The following ADRA1D variants were observed in gnomAD, a reference collection of about 807,000 sequenced individuals.
ADRA1D encodes adrenoceptor alpha 1D.
ADRA1D carries 22 observed loss-of-function variants against 18.6 expected under a neutral mutation model. That is an observed-to-expected ratio of 1.19 (90% CI 0.85 to 1.69). The LOEUF is 1.69. Among genes scored for constraint, ADRA1D ranks in the 40% most tolerant of loss-of-function variants. The probability of loss-of-function intolerance (pLI) is 0.00; values close to 1 mark genes in which losing one functional copy is unlikely to be tolerated. For missense variants in ADRA1D, 840 were observed against 840.7 expected (o/e 1.00, Z 0.01); for synonymous variants, 376 against 388.2 (o/e 0.97, Z 0.37).
chr20:4,245,375 TGTA>T (rs970350898), intron 1 of ADRA1D, among the ~76,000 whole-genome samples: 37 of 152,170 alleles, frequency 2.4e-4, no homozygotes, highest in Admixed American at 3.3e-4. Context: ...TACAGATGTT[TGTA>T]GTAAGAGTAT....
rs563235049 is a variant in ADRA1D, at chr20:4,239,274, G to T, written c.1111+8573C>A. Among the ~76,000 whole-genome samples, 7 of 152,132 alleles carry T rather than the reference G, an allele frequency of 4.6e-5. No individual in the cohort carries two copies. The highest frequency in any genetic ancestry group is 7.4e-5 in the Non-Finnish European group (5 of 68,020). On this transcript the variant is annotated intron_variant, in intron 1 of 1. Coordinates refer to ENST00000379453, the MANE Select transcript of ADRA1D (RefSeq NM_000678.4). The surrounding 1 kb of genome is among the most constrained non-coding windows in gnomAD (Gnocchi z 4.9). Reference sequence around the variant, plus strand: ...CCAGATCTTTAATGAATGGAGCAGGGTGATCAACAGTTCCTCAGATGTTTG... The same window carrying T: ...CCAGATCTTTAATGAATGGAGCAGGTTGATCAACAGTTCCTCAGATGTTTG...
intron 1 of ADRA1D, among the ~76,000 whole-genome samples, chr20:4,243,328 C>T (rs958461635): frequency 3.9e-5 from 5 of 126,944 alleles, no homozygotes; most frequent in African/African-American, 1.0e-4. Context: ...CACACTCACT[C>T]TACAAGTCTG....
rs778951804 is a variant in ADRA1D at position 4,248,270 on chromosome 20, C to T, written c.688G>A (p.Gly230Arg). 1.6e-5 allele frequency: 26 copies of T among 1,608,660 alleles called. No homozygotes were observed. The highest frequency in any genetic ancestry group is 2.2e-5 in the East Asian group (1 of 44,654). Residue 230 changes from glycine to arginine, a missense_variant, in exon 1 of 2, where the codon GGG becomes AGG. By Grantham distance (125) the Gly-to-Arg change is moderately radical. Transcript: ENST00000379453. ...GGCTCCTTCCAGCCCAGCAGGGGCC[C>T]TACGGACACCACCAGGGCTACGACC... ...LWVVALVVSV[G>R]PLLGWKEPVP... is the part of the protein sequence containing the mutation.
chr20:4,241,599 G>A (rs1981214666), intron 1 of ADRA1D, among the ~76,000 whole-genome samples: 1 of 152,148 alleles, frequency 6.6e-6, no homozygotes, highest in Admixed American at 6.5e-5. Context: ...ACAAAGCACA[G>A]GTAGGAGATG....
At chr20:4,235,883 G>A (rs534639314) in intron 1 of ADRA1D, among the ~76,000 whole-genome samples, 29 of 152,342 alleles carry the variant, frequency 1.9e-4, no homozygotes, top group African/African-American at 7.0e-4. Context: ...GCAGAGATGG[G>A]CTTAGGGACT....
At chr20:4,235,597 G>A (rs961186692) in intron 1 of ADRA1D, among the ~76,000 whole-genome samples, 14 of 152,226 alleles carry the variant, frequency 9.2e-5, no homozygotes, top group Admixed American at 2.6e-4. Context: ...TGAGCCTCTC[G>A]GCTCTGGGGC....
Position 4,222,209 on chromosome 20 carries a change from C to G in ADRA1D, c.1112-79G>C. The G allele has an allele frequency of 6.6e-7, 1 of 1,524,568 alleles. No individual in the cohort carries two copies. The highest frequency in any genetic ancestry group is 2.0e-5 in the Admixed American group (1 of 49,268). The allele number at this position is 1,524,568 out of a possible 1,614,324, so 94.4% of individuals were successfully genotyped here. A position where few individuals can be genotyped will look rare whatever the true frequency, so the allele number is the denominator to read the frequency against. On this transcript the variant is annotated intron_variant, in intron 1 of 1. Transcript: ENST00000379453. The surrounding 1 kb of genome is among the most constrained non-coding windows in gnomAD (Gnocchi z 4.3). ...GCGGCTCTGGGCGCAAAGGGGAGAC[C>G]CTTCAGTAGCCTTGGCTGAGTCATT...
rs767099009 is a variant in ADRA1D at position 4,248,225 on chromosome 20, A to G, written c.733T>C (p.Phe245Leu). ...CCCGCCTCCTCGGTGATACCGCAGA[A>G]GCGCTCGTCAGGGGGCACGGGCTCC... is the stretch of plus-strand genomic sequence containing the variant. ...WKEPVPPDER[F>L]CGITEEAGYA... Residue 245 changes from phenylalanine (F) to leucine (L), a missense_variant, in exon 1 of 2, where the codon TTC (phenylalanine) becomes CTC (leucine). Coordinates refer to ENST00000379453, the MANE Select transcript of ADRA1D (RefSeq NM_000678.4). 23 of 1,600,800 alleles carry G rather than the reference A, an allele frequency of 1.4e-5. No individual in the cohort carries two copies. The highest frequency in any genetic ancestry group is 1.8e-5 in the Non-Finnish European group (21 of 1,174,126).
chr20:4,232,335 T>C (rs1413864998), intron 1 of ADRA1D, among the ~76,000 whole-genome samples: 1 of 152,236 alleles, frequency 6.6e-6, no homozygotes, highest in East Asian at 1.9e-4. Flanking sequence ...AGGGTGTTCC[T>C]GTGATTGCCT....
Position 4,248,590 on chromosome 20 carries a change from C to T in ADRA1D, c.368G>A (p.Cys123Tyr). Residue 123 changes from cysteine (C) to tyrosine (Y), a missense_variant, in exon 1 of 2, where the codon TGC (cysteine) becomes TAC (tyrosine). Coordinates refer to ENST00000379453, the MANE Select transcript of ADRA1D (RefSeq NM_000678.4). ...GGTGACGGTCTGCAGGTGGCGGTTG[C>T]AGGCCACTGAGAGGATGACAAGCAG... is the stretch of plus-strand genomic sequence containing the variant. ...GNLLVILSVA[C>Y]NRHLQTVTNY... The T allele has an allele frequency of 9.9e-6, 16 of 1,613,632 alleles. No individual in the cohort carries two copies. The highest frequency in any genetic ancestry group is 1.1e-5 in the Non-Finnish European group (13 of 1,179,944).
chr20:4,231,270 A>G (rs1295913174), intron 1 of ADRA1D, among the ~76,000 whole-genome samples: 1 of 142,942 alleles, frequency 7.0e-6, no homozygotes, highest in Non-Finnish European at 1.5e-5. Context: ...GCTAATTGTT[A>G]TTATTATTAT....
chr20:4,229,940 C>T (rs991157263), intron 1 of ADRA1D, among the ~76,000 whole-genome samples: 1 of 152,100 alleles, frequency 6.6e-6, no homozygotes, highest in Non-Finnish European at 1.5e-5. Context: ...ACATGTCCCC[C>T]CAAATCTCTC....
At chr20:4,234,087 T>C (rs1981033747) in intron 1 of ADRA1D, among the ~76,000 whole-genome samples, 1 of 152,178 alleles carries the variant, frequency 6.6e-6, no homozygotes, top group African/African-American at 2.4e-5. Context: ...CTCTCTGGCT[T>C]GTTGGCTGGG....
chr20:4,235,280 T>C (rs1981062919), intron 1 of ADRA1D, among the ~76,000 whole-genome samples: 1 of 152,176 alleles, frequency 6.6e-6, no homozygotes, highest in Non-Finnish European at 1.5e-5. Context: ...GGGCAGCTCC[T>C]AGAGCAACGG....
At chr20:4,235,251 T>C (rs1316874312) in intron 1 of ADRA1D, among the ~76,000 whole-genome samples, 1 of 152,180 alleles carries the variant, frequency 6.6e-6, no homozygotes, top group Non-Finnish European at 1.5e-5. Context: ...CTTCTGTAGC[T>C]GAGGGGCAGG....
At chr20:4,223,027 T>C (rs1980710684) in intron 1 of ADRA1D, among the ~76,000 whole-genome samples, 1 of 152,306 alleles carries the variant, frequency 6.6e-6, no homozygotes, top group Admixed American at 6.5e-5. Flanking sequence ...GTTGCAGATG[T>C]TTTGAAATAT....
At chr20:4,241,295 T>C (rs1398381164) in intron 1 of ADRA1D, among the ~76,000 whole-genome samples, 1 of 152,178 alleles carries the variant, frequency 6.6e-6, no homozygotes, top group Non-Finnish European at 1.5e-5. Flanking sequence ...AAGTTTCAGT[T>C]TGGCAAGATA....
At position 4,248,686 on chromosome 20, in the gene ADRA1D, A is replaced by C; in HGVS notation, c.272T>G (p.Val91Gly). Residue 91 changes from valine (V) to glycine (G), a missense_variant, in exon 1 of 2, where the codon GTG (valine) becomes GGG (glycine). Val to Gly is a moderately radical substitution (Grantham distance 109, BLOSUM62 -3). Coordinates refer to ENST00000379453, the MANE Select transcript of ADRA1D (RefSeq NM_000678.4). ...CACGCCCACGCCCTGCGCGCTCACC[A>C]CCAGTCCCCCGACGGCCGCCGTGCC... Reference protein sequence around the residue: ...VNGTAAVGGLVVSAQGVGVGV... With the variant: ...VNGTAAVGGLGVSAQGVGVGV... 1.9e-6 allele frequency: 3 copies of C among 1,586,472 alleles called. No individual in the cohort carries two copies. Among genetic ancestry groups the C allele is most frequent in the Non-Finnish European group, 2.6e-6 (3 of 1,167,772 alleles).
chr20:4,246,991 C>G (rs538351142), intron 1 of ADRA1D, among the ~76,000 whole-genome samples: 2 of 152,180 alleles, frequency 1.3e-5, no homozygotes, highest in African/African-American at 2.4e-5. Context: ...GATCTGACCC[C>G]GGGCAAATTC....
Sources: allele counts gnomAD v4.1 joint callset (sites outside exome capture counted in the v4.1 genomes callset), GRCh38; gene constraint gnomAD v4.1.1; non-coding constraint Gnocchi (gnomAD v3.1); transcripts MANE v1.5; gene names NCBI Gene and HGNC (gene_info 2026-07-23, HGNC 2026-07-21).